The following TFDP1 variants were observed in gnomAD, a reference collection of about 807,000 sequenced individuals.
The protein encoded by TFDP1 is DRTF1-polypeptide 1.
Under a neutral mutation model 48.0 loss-of-function variants are expected in TFDP1, and 6 were observed. That is an observed-to-expected ratio of 0.13 (90% CI 0.07 to 0.25). The LOEUF (loss-of-function observed/expected upper bound fraction) is 0.25. Among genes scored for constraint, TFDP1 ranks in the 10% least tolerant of loss-of-function variants. The pLI, the probability that TFDP1 is intolerant of heterozygous loss-of-function variation, is 1.00. For synonymous variants in TFDP1, 201 were observed against 211.6 expected, an observed-to-expected ratio of 0.95 and a Z score of 0.44; for missense variants, 335 against 543.0, an observed-to-expected ratio of 0.62 and a Z score of 3.81.
At chr13:113,617,953 T>C (rs1392780348) in intron 3 of TFDP1, among the ~76,000 whole-genome samples, 3 of 152,260 alleles carry the variant, frequency 2.0e-5, no homozygotes, top group Admixed American at 2.0e-4. Flanking sequence ...TGAGACCATA[T>C]ATATTCTTAA....
chr13:113,588,459 A>G (rs1302214317), intron 2 of TFDP1, among the ~76,000 whole-genome samples: 2 of 152,232 alleles, frequency 1.3e-5, no homozygotes, highest in Admixed American at 6.5e-5. Context: ...CAGGGAGACA[A>G]GCGGGTGGGA....
intron 2 of TFDP1, among the ~76,000 whole-genome samples, chr13:113,596,093 G>T (rs2048284009): frequency 6.6e-6 from 1 of 152,072 alleles, no homozygotes; most frequent in African/African-American, 2.4e-5. Context: ...AAAAAAAAAA[G>T]TATTAATGGC....
intron 10 of TFDP1, 98 bp downstream of exon 10, chr13:113,636,798 G>T: frequency 7.1e-7 from 1 of 1,402,916 alleles, no homozygotes; most frequent in Non-Finnish European, 9.6e-7. Context: ...GTCTTGCTGA[G>T]ATCAGGCCCA....
At chr13:113,640,054 C>A in intron 11 of TFDP1, 66 bp from the exon 12 acceptor site, 2 of 1,223,730 alleles carry the variant, frequency 1.6e-6, no homozygotes, top group Admixed American at 4.6e-5. Flanking sequence ...GACCACAAGC[C>A]CTGAGGCGGG....
chr13:113,622,729 C>T (rs1049250695), intron 3 of TFDP1, among the ~76,000 whole-genome samples: 4 of 152,342 alleles, frequency 2.6e-5, no homozygotes, highest in African/African-American at 9.6e-5. Flanking sequence ...AAGGCACACT[C>T]CTTCCTAGGA....
intron 5 of TFDP1, 99 bp downstream of exon 5, chr13:113,631,843 G>T: frequency 1.3e-6 from 2 of 1,488,546 alleles, no homozygotes; most frequent in Admixed American, 4.1e-5. Context: ...CGTGCGATGG[G>T]GCTCCCACGC....
intron 3 of TFDP1, among the ~76,000 whole-genome samples, chr13:113,621,766 G>A (rs889799768): frequency 6.6e-6 from 1 of 152,218 alleles, no homozygotes; most frequent in South Asian, 2.1e-4. Context: ...CGGAAAAACA[G>A]CGGCTACTTA....
At chr13:113,592,560 A>G (rs1594404376) in intron 2 of TFDP1, among the ~76,000 whole-genome samples, 1 of 152,232 alleles carries the variant, frequency 6.6e-6, no homozygotes, top group Admixed American at 6.5e-5. Context: ...CTTTTAACAC[A>G]GGTGCTTGCC....
rs1483890831 is a variant in TFDP1, at chr13:113,634,738, C to CA, written c.687+137dup. The CA allele has an allele frequency of 5.8e-6, 4 of 684,018 alleles. No individual in the cohort carries two copies. The East Asian group carries it at 1.1e-4, about 18-fold the overall frequency. 42.4% of individuals were successfully genotyped at this position (684,018 alleles called of 1,614,324 possible). A position where few individuals can be genotyped will look rare whatever the true frequency, so the allele number is the denominator to read the frequency against. On this transcript the variant is annotated intron_variant, in intron 8 of 11. Transcript: ENST00000375370. ...TGCTCTAAGATTCTGAGTGTGAGTT[C>CA]ATCTCATAGGTGTTGAACGTGGGCC...
At chr13:113,637,528 G>A (rs1045469184) in intron 10 of TFDP1, 38 of 1,276,120 alleles carry the variant, frequency 3.0e-5, no homozygotes, top group Middle Eastern at 4.7e-4. Flanking sequence ...TCCGTTTCAC[G>A]ATGGGTATGA....
chr13:113,601,834 G>A (rs1394130503), intron 2 of TFDP1, among the ~76,000 whole-genome samples: 1 of 152,204 alleles, frequency 6.6e-6, no homozygotes, highest in Non-Finnish European at 1.5e-5. Flanking sequence ...AGTTGAGGGA[G>A]GAGCGGATGG....
At chr13:113,604,316 T>C (rs2048512896) in intron 2 of TFDP1, among the ~76,000 whole-genome samples, 1 of 152,202 alleles carries the variant, frequency 6.6e-6, no homozygotes, top group Non-Finnish European at 1.5e-5. Flanking sequence ...AATTGTGGTC[T>C]AGTAGTAGCT....
chr13:113,587,095 G>A (rs75930945), intron 2 of TFDP1, among the ~76,000 whole-genome samples: 3,536 of 152,212 alleles, frequency 0.023, 148 homozygotes, highest in African/African-American at 0.078. Flanking sequence ...TCTCAAACAC[G>A]CTTTGATACA....
chr13:113,640,160 T>G lies in TFDP1; in HGVS notation c.1126T>G (p.Ser376Ala). 6.2e-7 allele frequency: 1 copy of G among 1,612,178 alleles called. No individual in the cohort carries two copies. Among genetic ancestry groups the G allele is most frequent in the Non-Finnish European group, 8.5e-7 (1 of 1,179,398 alleles). Reference protein sequence around the residue: ...NGADGMLATSSNGSQYSGSRV... With the variant: ...NGADGMLATSANGSQYSGSRV... ...TGCAGATGGGATGCTGGCCACAAGCTCCAATGGGTCTCAGTACAGCGGCTC... is the reference window on the plus strand; with the variant it reads ...TGCAGATGGGATGCTGGCCACAAGCGCCAATGGGTCTCAGTACAGCGGCTC... Residue 376 changes from serine to alanine, a missense_variant, in exon 12 of 12, where the codon TCC (serine) becomes GCC (alanine). Physicochemically the swap from Ser to Ala is moderately conservative, Grantham distance 99 (BLOSUM62 1). Around this residue, in one of 3 missense-constraint regions of TFDP1, gnomAD observed 204 missense variants for 287.1 expected, o/e 0.71. Transcript: ENST00000375370.
rs144279974 is a variant in TFDP1 at position 113,615,577 on chromosome 13, G to T, written c.79+4515G>T. On this transcript the variant is annotated intron_variant, in intron 3 of 11. Transcript: ENST00000375370. ...TTGTGCACCTCCTGTACCTAGAGGT[G>T]ATCCAGGCTCACTGAGAATCTGCCC... 6.6e-5 allele frequency among the ~76,000 whole-genome samples: 10 copies of T among 152,294 alleles called. No individual in the cohort carries two copies. The East Asian group carries it at 1.9e-3, about 29-fold the overall frequency.
intron 5 of TFDP1, among the ~76,000 whole-genome samples, chr13:113,632,223 A>AAC (rs1217496133): frequency 6.6e-6 from 1 of 152,210 alleles, no homozygotes; most frequent in Non-Finnish European, 1.5e-5. Context: ...TTTCCTTAAA[A>AAC]ACACACACAC....
chr13:113,592,868 T>G lies in TFDP1; in HGVS notation c.12+7019T>G, dbSNP rs1212935532. Among the ~76,000 whole-genome samples, 8 of 117,926 alleles carry G rather than the reference T, an allele frequency of 6.8e-5. No individual in the cohort carries two copies. In the East Asian group the frequency reaches 8.3e-4, roughly 12 times the overall value. 77.4% of individuals were successfully genotyped at this position (117,926 alleles called of 152,430 possible). ...GTCTTCAGCTGTGCCCAAGAGACAG[T>G]TGTGGTGTGCACGGGTCCTCAGCCC... On this transcript the variant is annotated intron_variant, in intron 2 of 11. Coordinates refer to ENST00000375370, the MANE Select transcript of TFDP1 (RefSeq NM_007111.5).
intron 8 of TFDP1, among the ~76,000 whole-genome samples, chr13:113,634,803 A>G (rs967980041): frequency 1.1e-4 from 17 of 150,854 alleles, no homozygotes; most frequent in African/African-American, 1.7e-4. Context: ...GTGTGCATGC[A>G]TGTGTGTGTG....
At position 113,631,603 on chromosome 13, in the gene TFDP1, A is replaced by T; in HGVS notation, c.187-20A>T. ...GTGTGGGAGGGGACTGACTGTCTGA[A>T]TTGTCTTTTTCGACTGTAGGTAATT... On this transcript the variant is annotated intron_variant, in intron 4 of 11. Transcript: ENST00000375370. 5 of 1,610,230 alleles carry T rather than the reference A, an allele frequency of 3.1e-6. No homozygotes were observed. The highest frequency in any genetic ancestry group is 4.2e-6 in the Non-Finnish European group (5 of 1,178,574).
Sources: gnomAD v4.1 joint callset for allele counts (sites outside exome capture counted in the v4.1 genomes callset) on GRCh38, gnomAD v4.1.1 for gene constraint, gnomAD v4.1.1 regional missense constraint, MANE v1.5 for transcripts, NCBI Gene and HGNC (gene_info 2026-07-23, HGNC 2026-07-21) for gene names.